Variants in NALF1 observed in about 807,000 individuals in gnomAD.
The protein encoded by NALF1 is NALCN channel auxiliary factor 1.
Under a neutral mutation model 48.4 loss-of-function variants are expected in NALF1, and 3 were observed. That is an observed-to-expected ratio of 0.06 (90% CI 0.03 to 0.16). The LOEUF (loss-of-function observed/expected upper bound fraction) is 0.16. Ranked by LOEUF, NALF1 falls within the 10% of genes least tolerant of loss-of-function variation. The pLI, the probability that NALF1 is intolerant of heterozygous loss-of-function variation, is 1.00. For missense variants in NALF1, 526 were observed against 571.5 expected (o/e 0.92, Z 0.81); for synonymous variants, 262 against 245.7 (o/e 1.07, Z -0.62).
At chr13:107,692,063 G>C (rs944732862) in intron 1 of NALF1, among the ~76,000 whole-genome samples, 3 of 152,132 alleles carry the variant, frequency 2.0e-5, no homozygotes, top group Non-Finnish European at 2.9e-5. Context: ...ACGGACAAAT[G>C]AGAATACGAC....
chr13:107,434,743 A>C (rs921706903), intron 1 of NALF1, among the ~76,000 whole-genome samples: 2 of 152,202 alleles, frequency 1.3e-5, no homozygotes, highest in African/African-American at 4.8e-5. Flanking sequence ...CCTCTCAATA[A>C]TACATTTGCC....
chr13:107,335,410 C>T (rs1191097013), intron 1 of NALF1, among the ~76,000 whole-genome samples: 3 of 152,192 alleles, frequency 2.0e-5, no homozygotes, highest in Non-Finnish European at 4.4e-5. Flanking sequence ...GAAGCTATAA[C>T]TAATCTTCAC....
intron 1 of NALF1, among the ~76,000 whole-genome samples, chr13:107,542,601 T>C (rs1877027497): frequency 6.6e-6 from 1 of 152,148 alleles, no homozygotes; most frequent in East Asian, 1.9e-4. Context: ...GTATCTCCAC[T>C]CAATCAAATG....
chr13:107,616,433 C>T (rs1398865733), intron 1 of NALF1, among the ~76,000 whole-genome samples: 4 of 152,148 alleles, frequency 2.6e-5, no homozygotes, highest in African/African-American at 9.7e-5. Context: ...TTTTGCCATA[C>T]AGGTTGTAAG....
chr13:107,845,380 T>G (rs77827728), intron 1 of NALF1, among the ~76,000 whole-genome samples: 2,919 of 152,194 alleles, frequency 0.019, 51 homozygotes, highest in African/African-American at 0.046. Context: ...GTGGAATGAG[T>G]CTACCTGATG....
chr13:107,714,956 G>A (rs909927230), intron 1 of NALF1, among the ~76,000 whole-genome samples: 1 of 151,964 alleles, frequency 6.6e-6, no homozygotes, highest in African/African-American at 2.4e-5. Flanking sequence ...AAACAAAATT[G>A]AAAGTGTTTA....
rs374034448 is a variant in NALF1 at position 107,455,041 on chromosome 13, A to G, written c.916-244286T>C. On this transcript the variant is annotated intron_variant, in intron 1 of 2. Transcript: ENST00000375915. ...GTGAGGTGATTGGATCATGGGGGCA[A>G]TTTCCTCCATGCTGTTTTCATGATA... is the stretch of plus-strand genomic sequence containing the variant. Among the ~76,000 whole-genome samples, 20 of 152,166 alleles carry G rather than the reference A, an allele frequency of 1.3e-4. 1 individual carries two copies. In the South Asian group the frequency reaches 4.2e-3, roughly 32 times the overall value.
intron 1 of NALF1, among the ~76,000 whole-genome samples, chr13:107,750,799 T>C (rs954914871): frequency 1.3e-5 from 2 of 152,190 alleles, no homozygotes; most frequent in Non-Finnish European, 2.9e-5. Context: ...ATGAAACTAA[T>C]AGACGTTAAA....
At chr13:107,586,680 G>A (rs1024965528) in intron 1 of NALF1, among the ~76,000 whole-genome samples, 74 of 104,878 alleles carry the variant, frequency 7.1e-4, no homozygotes, top group African/African-American at 2.5e-3. Context: ...ATGCAGGAGA[G>A]CAAACCAAAT....
chr13:107,376,179 C>T (rs1487896548), intron 1 of NALF1, among the ~76,000 whole-genome samples: 1 of 152,164 alleles, frequency 6.6e-6, no homozygotes, highest in Non-Finnish European at 1.5e-5. Context: ...GCGCCCTTTC[C>T]TGCCATCCAA....
intron 1 of NALF1, among the ~76,000 whole-genome samples, chr13:107,533,114 C>A (rs371894596): frequency 1.2e-4 from 19 of 152,072 alleles, no homozygotes; most frequent in African/African-American, 4.6e-4. Flanking sequence ...AATATCCCCA[C>A]GAAAAGAGAG....
At chr13:107,555,048 T>C (rs1343354242) in intron 1 of NALF1, among the ~76,000 whole-genome samples, 2 of 152,090 alleles carry the variant, frequency 1.3e-5, no homozygotes, top group Admixed American at 6.6e-5. Context: ...CGTAAAGCAA[T>C]CACTTTAATT....
intron 1 of NALF1, among the ~76,000 whole-genome samples, chr13:107,458,393 G>T (rs183994264): frequency 7.2e-5 from 11 of 152,140 alleles, no homozygotes; most frequent in Admixed American, 1.3e-4. Context: ...CCACACAGGC[G>T]GAACAGTGTG....
At chr13:107,198,541 G>A (rs1879441053) in intron 2 of NALF1, among the ~76,000 whole-genome samples, 1 of 152,206 alleles carries the variant, frequency 6.6e-6, no homozygotes, top group South Asian at 2.1e-4. Flanking sequence ...TCTGAAGCAT[G>A]CAGAATTCGC....
At chr13:107,483,383 A>C (rs1885283061) in intron 1 of NALF1, among the ~76,000 whole-genome samples, 1 of 152,174 alleles carries the variant, frequency 6.6e-6, no homozygotes, top group Non-Finnish European at 1.5e-5. Context: ...TCTCTTTTGT[A>C]GTCTCAAAAT....
At chr13:107,552,703 A>C (rs538540) in intron 1 of NALF1, among the ~76,000 whole-genome samples, 81,445 of 151,846 alleles carry the variant, frequency 0.54, 22,044 homozygotes, top group Admixed American at 0.59. Context: ...AATGATTCGG[A>C]CTTTATTATA....
At chr13:107,670,810 T>A (rs1880972341) in intron 1 of NALF1, among the ~76,000 whole-genome samples, 1 of 152,160 alleles carries the variant, frequency 6.6e-6, no homozygotes, top group African/African-American at 2.4e-5. Flanking sequence ...AGGTCTCCTA[T>A]ACTTGCTTAA....
At chr13:107,732,194 T>A (rs1876328709) in intron 1 of NALF1, among the ~76,000 whole-genome samples, 1 of 152,062 alleles carries the variant, frequency 6.6e-6, no homozygotes, top group South Asian at 2.1e-4. Context: ...CTATATATAC[T>A]ATGTATAATA....
intron 1 of NALF1, among the ~76,000 whole-genome samples, chr13:107,426,408 A>T (rs1884281996): frequency 6.6e-6 from 1 of 152,226 alleles, no homozygotes; most frequent in Non-Finnish European, 1.5e-5. Flanking sequence ...AAAAGTTTAG[A>T]AAGTTTAGGA....
Sources: gnomAD v4.1 joint callset for allele counts (sites outside exome capture counted in the v4.1 genomes callset) on GRCh38, gnomAD v4.1.1 for gene constraint, MANE v1.5 for transcripts, NCBI Gene and HGNC (gene_info 2026-07-23, HGNC 2026-07-21) for gene names.